The following IQGAP2 variants were observed in gnomAD, a reference collection of about 807,000 sequenced individuals.
IQGAP2 encodes ras GTPase-activating-like protein IQGAP2.
In IQGAP2, 173 loss-of-function variants were observed where a neutral mutation model predicts 201.3. That is an observed-to-expected ratio of 0.86 (90% CI 0.76 to 0.98). The LOEUF (loss-of-function observed/expected upper bound fraction) is 0.98. IQGAP2 is among the 50% of genes least tolerant of loss of function. IQGAP2 has a pLI of 0.00. For synonymous variants in IQGAP2, 675 were observed against 673.9 expected, an observed-to-expected ratio of 1.00 and a Z score of -0.03; for missense variants, 1,687 against 1,864.8, an observed-to-expected ratio of 0.90 and a Z score of 1.76.
At chr5:76,409,085 G>A (rs367717940) in intron 1 of IQGAP2, among the ~76,000 whole-genome samples, 2 of 150,980 alleles carry the variant, frequency 1.3e-5, no homozygotes, top group African/African-American at 2.4e-5. Flanking sequence ...GAGCCACCAC[G>A]CCCAGTGAGA....
At chr5:76,678,564 G>C (rs1170814081) in intron 28 of IQGAP2, among the ~76,000 whole-genome samples, 1 of 152,146 alleles carries the variant, frequency 6.6e-6, no homozygotes, top group Non-Finnish European at 1.5e-5. Flanking sequence ...GTTGAAGCAA[G>C]GTCCTGGGGA....
chr5:76,545,653 C>T (rs1195394233), intron 2 of IQGAP2, among the ~76,000 whole-genome samples: 1 of 152,110 alleles, frequency 6.6e-6, no homozygotes, highest in East Asian at 1.9e-4. Context: ...TTTGAAAGTT[C>T]CATCCATTTT....
intron 22 of IQGAP2, among the ~76,000 whole-genome samples, chr5:76,667,471 A>G (rs961973406): frequency 3.9e-5 from 6 of 152,202 alleles, no homozygotes; most frequent in African/African-American, 9.7e-5. Context: ...CTCTTTGTAC[A>G]TACTTCCTCT....
chr5:76,457,021 G>A (rs1754125941), intron 1 of IQGAP2, among the ~76,000 whole-genome samples: 1 of 151,936 alleles, frequency 6.6e-6, no homozygotes, highest in Admixed American at 6.6e-5. Context: ...ACAGGGTCTT[G>A]CTTTGTCACC....
chr5:76,428,400 C>G (rs539257346), intron 1 of IQGAP2, among the ~76,000 whole-genome samples: 62 of 151,038 alleles, frequency 4.1e-4, no homozygotes, highest in Non-Finnish European at 5.9e-4. Flanking sequence ...CAGGAACCCA[C>G]TGTTCTGCGC....
At chr5:76,554,914 T>C (rs1416558261) in intron 2 of IQGAP2, among the ~76,000 whole-genome samples, 1 of 152,058 alleles carries the variant, frequency 6.6e-6, no homozygotes, top group Non-Finnish European at 1.5e-5. Context: ...AAATAACATG[T>C]CCAAAAACTG....
At chr5:76,633,389 T>A (rs1750862455) in intron 15 of IQGAP2, among the ~76,000 whole-genome samples, 1 of 152,216 alleles carries the variant, frequency 6.6e-6, no homozygotes, top group Admixed American at 6.5e-5. Context: ...CAACAATTTT[T>A]TGTAGTTTTC....
In IQGAP2 at chr5:76,621,694, C is replaced by A. The variant is rs3797397; in HGVS notation, c.1522-5716C>A. Among the ~76,000 whole-genome samples the A allele has an allele frequency of 7.9e-5, 12 of 152,276 alleles. No individual in the cohort carries two copies. In the East Asian group the frequency reaches 2.3e-3, roughly 29 times the overall value. ...GAAAAGTTGATTTGATTCCATTTTC[C>A]GTGAGAATGCCAGATCTGGGTCCAC... On this transcript the variant is annotated intron_variant, in intron 13 of 35. Coordinates refer to ENST00000274364, the MANE Select transcript of IQGAP2 (RefSeq NM_006633.5).
chr5:76,618,690 A>G, intron 13 of IQGAP2: 1 of 1,393,712 alleles, frequency 7.2e-7, no homozygotes, highest in Non-Finnish European at 9.9e-7. Context: ...TCAAGAGAAA[A>G]GAAAGTGTGT....
In IQGAP2 at chr5:76,668,855, A is replaced by C; in HGVS notation, c.2843+11A>C. 3 of 1,519,912 alleles carry C rather than the reference A, an allele frequency of 2.0e-6. No homozygotes were observed. Among genetic ancestry groups the C allele is most frequent in the Non-Finnish European group, 2.7e-6 (3 of 1,120,940 alleles). 94.2% of individuals were successfully genotyped at this position (1,519,912 alleles called of 1,614,324 possible). A position where few individuals can be genotyped will look rare whatever the true frequency, so the allele number is the denominator to read the frequency against. On this transcript the variant is annotated intron_variant, in intron 23 of 35. Coordinates refer to ENST00000274364, the MANE Select transcript of IQGAP2 (RefSeq NM_006633.5). ...GGAGGAAGAAATAAAGTATGTATAC[A>C]AATATGTATGTAAAAATACCAGTGA...
intron 5 of IQGAP2, among the ~76,000 whole-genome samples, chr5:76,588,620 C>T (rs1746410118): frequency 6.6e-6 from 1 of 152,110 alleles, no homozygotes. Context: ...AGCTGTGTTT[C>T]TTGTTCTCCA....
At chr5:76,571,435 C>T (rs1050071648) in intron 4 of IQGAP2, among the ~76,000 whole-genome samples, 9 of 152,142 alleles carry the variant, frequency 5.9e-5, no homozygotes, top group Non-Finnish European at 1.2e-4. Flanking sequence ...CTGTCCACCA[C>T]GGCATCCCAA....
At chr5:76,523,939 T>G (rs968468073) in intron 2 of IQGAP2, among the ~76,000 whole-genome samples, 1 of 152,068 alleles carries the variant, frequency 6.6e-6, no homozygotes, top group South Asian at 2.1e-4. Context: ...CAGACAAGAT[T>G]AGCTAGATCC....
At chr5:76,618,381 A>G (rs746201602) in intron 13 of IQGAP2, 1 of 1,614,100 alleles carries the variant, frequency 6.2e-7, no homozygotes, top group Admixed American at 1.7e-5. Flanking sequence ...ATTGGCCGGG[A>G]CACCAACTAC....
intron 35 of IQGAP2, 22 bp downstream of exon 35, chr5:76,702,612 A>C: frequency 9.1e-7 from 1 of 1,093,092 alleles, no homozygotes; most frequent in South Asian, 1.2e-5. Flanking sequence ...GAATTTCTGC[A>C]CATTGATGAT....
At chr5:76,681,146 T>C (rs1220316486) in intron 28 of IQGAP2, among the ~76,000 whole-genome samples, 2 of 63,776 alleles carry the variant, frequency 3.1e-5, no homozygotes, top group South Asian at 9.4e-4. Flanking sequence ...TGAAAGAAAA[T>C]AATTGTAAAT....
intron 2 of IQGAP2, among the ~76,000 whole-genome samples, chr5:76,477,996 A>G (rs904579448): frequency 3.7e-4 from 55 of 148,476 alleles, no homozygotes; most frequent in African/African-American, 1.4e-3. Flanking sequence ...CAAAAAGTTA[A>G]AATTCAAAAG....
intron 7 of IQGAP2, 76 bp downstream of exon 7, chr5:76,589,804 G>C (rs111745675): frequency 1.5e-6 from 1 of 687,806 alleles, no homozygotes; most frequent in African/African-American, 1.9e-5. Flanking sequence ...TTGATTACTC[G>C]AAATAGAATA....
chr5:76,620,486 A>G (rs917200829), intron 13 of IQGAP2, among the ~76,000 whole-genome samples: 1 of 152,134 alleles, frequency 6.6e-6, no homozygotes, highest in African/African-American at 2.4e-5. Flanking sequence ...AGACAAGGAG[A>G]CAGGATCGGG....
Sources: allele counts gnomAD v4.1 joint callset (sites outside exome capture counted in the v4.1 genomes callset), GRCh38; gene constraint gnomAD v4.1.1; transcripts MANE v1.5; gene names NCBI Gene and HGNC (gene_info 2026-07-23, HGNC 2026-07-21).